PTPRG: variants seen among roughly 807,000 people sequenced by gnomAD.
PTPRG encodes protein tyrosine phosphatase receptor type G, also known as receptor-type tyrosine-protein phosphatase gamma.
A neutral mutation model predicts 165.3 loss-of-function variants in PTPRG; 102 were observed. The observed-to-expected ratio is 0.62, with a 90% CI of 0.53 to 0.73. PTPRG has a LOEUF of 0.73. PTPRG is among the 30% of genes least tolerant of loss of function. The pLI is 0.00. For synonymous variants in PTPRG, 675 were observed against 669.5 expected, an observed-to-expected ratio of 1.01 and a Z score of -0.13; for missense variants, 1,866 against 1,861.4, an observed-to-expected ratio of 1.00 and a Z score of -0.05.
In PTPRG at chr3:62,210,676, C is replaced by T. The variant is rs1281518339; in HGVS notation, c.2155+6726C>T. On this transcript the variant is annotated intron_variant, in intron 12 of 29. Transcript: ENST00000474889. This position sits in a 1 kb window ranked among gnomAD's most constrained non-coding sequence, Gnocchi z 4.1. ...TGAGAGAGCAAGACCAACCCCTTTT[C>T]ATTCTCCCCTCATCAACCTACTGAA... 6.6e-6 allele frequency among the ~76,000 whole-genome samples: 1 copy of T among 152,162 alleles called. No homozygotes were observed.
intron 3 of PTPRG, among the ~76,000 whole-genome samples, chr3:61,997,574 C>T (rs2041071288): frequency 6.6e-6 from 1 of 152,212 alleles, no homozygotes; most frequent in African/African-American, 2.4e-5. Context: ...CCATGACACC[C>T]TCCCCTTCTC....
intron 1 of PTPRG, among the ~76,000 whole-genome samples, chr3:61,579,387 C>T (rs1700233201): frequency 6.6e-6 from 1 of 152,170 alleles, no homozygotes; most frequent in South Asian, 2.1e-4. Context: ...GGGAGGGCAT[C>T]CTGAAATTCT....
At chr3:62,221,582 C>G (rs1314002965) in intron 13 of PTPRG, among the ~76,000 whole-genome samples, 1 of 152,160 alleles carries the variant, frequency 6.6e-6, no homozygotes, top group Non-Finnish European at 1.5e-5. Flanking sequence ...AGTTTTTTAG[C>G]TAGAACAACA....
chr3:61,834,674 A>C (rs1398148672), intron 2 of PTPRG, among the ~76,000 whole-genome samples: 1 of 152,150 alleles, frequency 6.6e-6, no homozygotes, highest in Non-Finnish European at 1.5e-5. Flanking sequence ...TTAGCTGGGC[A>C]TGGTGGCGTG....
rs377201847 is a variant in PTPRG at position 61,648,757 on chromosome 3, T to C, written c.85+86385T>C. Among the ~76,000 whole-genome samples the C allele has an allele frequency of 5.9e-5, 9 of 152,328 alleles. No individual in the cohort carries two copies. The East Asian group carries it at 1.7e-3, about 29-fold the overall frequency. On this transcript the variant is annotated intron_variant, in intron 1 of 29. Coordinates refer to ENST00000474889, the MANE Select transcript of PTPRG (RefSeq NM_002841.4). ...CTTGTATTGGAAGAATAATGGCATGTTGCTTGAATGTTTCCCAAGAGAATG... is the reference window on the plus strand; with the variant it reads ...CTTGTATTGGAAGAATAATGGCATGCTGCTTGAATGTTTCCCAAGAGAATG...
intron 4 of PTPRG, among the ~76,000 whole-genome samples, chr3:62,033,431 A>G (rs937397383): frequency 1.4e-5 from 2 of 143,924 alleles, no homozygotes; most frequent in Non-Finnish European, 3.0e-5. Flanking sequence ...TAGTGCCATC[A>G]TGGCTCACTG....
At chr3:62,285,335 TA>T (rs1411381849) in intron 28 of PTPRG, among the ~76,000 whole-genome samples, 1 of 152,124 alleles carries the variant, frequency 6.6e-6, no homozygotes, top group African/African-American at 2.4e-5. Flanking sequence ...TTTGGCTGCT[TA>T]AATTCTTCTT....
chr3:61,674,928 C>A (rs910396393), intron 1 of PTPRG, among the ~76,000 whole-genome samples: 6 of 152,090 alleles, frequency 3.9e-5, no homozygotes, highest in Non-Finnish European at 8.8e-5. Context: ...TTTTAAATCC[C>A]CAAATCCAAC....
chr3:61,847,258 A>G (rs115771904), intron 2 of PTPRG, among the ~76,000 whole-genome samples: 1,740 of 152,270 alleles, frequency 0.011, 35 homozygotes, highest in African/African-American at 0.039. Context: ...GGAGAACACC[A>G]CACAAATGTT....
At chr3:61,921,585 T>C (rs1040610812) in intron 2 of PTPRG, among the ~76,000 whole-genome samples, 4 of 152,178 alleles carry the variant, frequency 2.6e-5, no homozygotes, top group African/African-American at 4.8e-5. Flanking sequence ...CACAAACTTA[T>C]TAATTAAAAA....
chr3:61,702,739 A>G (rs1044489196), intron 1 of PTPRG, among the ~76,000 whole-genome samples: 1 of 152,244 alleles, frequency 6.6e-6, no homozygotes, highest in Non-Finnish European at 1.5e-5. Flanking sequence ...AGATTTGCCC[A>G]CATAACTTAG....
At chr3:61,770,825 A>T (rs933892180) in intron 2 of PTPRG, 3 of 152,102 alleles carry the variant, frequency 2.0e-5, no homozygotes, top group Admixed American at 2.0e-4. Context: ...AAGCTGTTTT[A>T]TTTTATTTTT....
intron 8 of PTPRG, among the ~76,000 whole-genome samples, chr3:62,173,507 C>A (rs573440064): frequency 1.3e-5 from 2 of 152,092 alleles, no homozygotes; most frequent in African/African-American, 4.8e-5. Flanking sequence ...GTTGGAGAAC[C>A]CTAAATGGGG....
chr3:61,643,162 A>C (rs1321284278), intron 1 of PTPRG, among the ~76,000 whole-genome samples: 2 of 152,214 alleles, frequency 1.3e-5, no homozygotes, highest in African/African-American at 2.4e-5. Context: ...TATCCATGAA[A>C]GTCTGTAGTC....
chr3:61,904,241 T>C (rs925592740), intron 2 of PTPRG, among the ~76,000 whole-genome samples: 2 of 152,046 alleles, frequency 1.3e-5, no homozygotes, highest in Admixed American at 1.3e-4. Context: ...AACTGGGCCC[T>C]GCTGTGATTG....
At chr3:62,086,264 G>A (rs1017930529) in intron 5 of PTPRG, among the ~76,000 whole-genome samples, 9 of 146,728 alleles carry the variant, frequency 6.1e-5, no homozygotes, top group African/African-American at 1.6e-4. Flanking sequence ...ATTTTCTATC[G>A]TGTTATGGTT....
chr3:61,638,125 A>G (rs1265765329), intron 1 of PTPRG, among the ~76,000 whole-genome samples: 3 of 152,220 alleles, frequency 2.0e-5, no homozygotes, highest in Non-Finnish European at 4.4e-5. Flanking sequence ...GTACAAAGTT[A>G]TTATTTGCAG....
intron 1 of PTPRG, among the ~76,000 whole-genome samples, chr3:61,728,506 C>T (rs931258089): frequency 1.3e-5 from 2 of 152,170 alleles, no homozygotes; most frequent in South Asian, 2.1e-4. Context: ...TCATTTCAGC[C>T]TAGGAGTTAG....
intron 4 of PTPRG, among the ~76,000 whole-genome samples, chr3:62,075,245 C>A (rs1701345396): frequency 6.6e-6 from 1 of 152,202 alleles, no homozygotes; most frequent in Non-Finnish European, 1.5e-5. Flanking sequence ...TGCTCCTGCA[C>A]ATGGGCTGAA....
Sources: allele counts gnomAD v4.1 joint callset (sites outside exome capture counted in the v4.1 genomes callset), GRCh38; gene constraint gnomAD v4.1.1; non-coding constraint Gnocchi (gnomAD v3.1); transcripts MANE v1.5; gene names NCBI Gene and HGNC (gene_info 2026-07-23, HGNC 2026-07-21).